TOM1L2: variants seen among roughly 807,000 people sequenced by gnomAD.
The protein encoded by TOM1L2 is target of myb1 like 2 membrane trafficking protein.
In TOM1L2, 31 loss-of-function variants were observed where a neutral mutation model predicts 67.9. The ratio of observed to expected loss-of-function variants is 0.46; its 90% CI spans 0.34 to 0.62. The LOEUF (loss-of-function observed/expected upper bound fraction) is 0.62, where lower values mean the gene tolerates loss of function less well. Among genes scored for constraint, TOM1L2 ranks in the 20% least tolerant of loss-of-function variants. The pLI, the probability that TOM1L2 is intolerant of heterozygous loss-of-function variation, is 0.01. For missense variants in TOM1L2, 606 were observed against 663.5 expected (o/e 0.91, Z 0.95); for synonymous variants, 256 against 254.0 (o/e 1.01, Z -0.07).
intron 1 of TOM1L2, among the ~76,000 whole-genome samples, chr17:17,919,001 C>G (rs1457479500): frequency 1.3e-5 from 2 of 152,186 alleles, no homozygotes; most frequent in African/African-American, 4.8e-5. Flanking sequence ...GCTCGGTTCC[C>G]AGCTGTCCCC....
At chr17:17,874,625 C>A (rs1239385950) in intron 7 of TOM1L2, among the ~76,000 whole-genome samples, 2 of 152,190 alleles carry the variant, frequency 1.3e-5, no homozygotes, top group African/African-American at 4.8e-5. Flanking sequence ...GAGGCTCTAA[C>A]ATTGTGACCT....
chr17:17,903,177 C>T (rs1309350308), intron 2 of TOM1L2, among the ~76,000 whole-genome samples: 2 of 152,144 alleles, frequency 1.3e-5, no homozygotes, highest in Admixed American at 6.5e-5. Flanking sequence ...TCTCTCCCTG[C>T]CCCCCACCCA....
intron 1 of TOM1L2, among the ~76,000 whole-genome samples, chr17:17,923,755 T>C (rs1051763686): frequency 6.6e-6 from 1 of 151,976 alleles, no homozygotes; most frequent in Non-Finnish European, 1.5e-5. Context: ...AAAAAGATAC[T>C]TGGGAGGCAA....
At chr17:17,946,984 CA>C (rs2040978958) in intron 1 of TOM1L2, among the ~76,000 whole-genome samples, 2 of 152,216 alleles carry the variant, frequency 1.3e-5, no homozygotes, top group African/African-American at 2.4e-5. Flanking sequence ...CTCAGCCTCC[CA>C]AAGTGCTGGG....
intron 1 of TOM1L2, among the ~76,000 whole-genome samples, chr17:17,908,023 A>C (rs897203696): frequency 8.5e-5 from 13 of 152,254 alleles, no homozygotes; most frequent in Non-Finnish European, 8.8e-5. Context: ...AGTCAGTACT[A>C]TACAGGTATT....
chr17:17,860,412 G>A (rs976750139), intron 12 of TOM1L2, among the ~76,000 whole-genome samples: 1 of 152,250 alleles, frequency 6.6e-6, no homozygotes, highest in African/African-American at 2.4e-5. Context: ...CCAGTGCAGA[G>A]GGATGCATGC....
Position 17,846,674 on chromosome 17 carries a change from G to A in TOM1L2, c.*961C>T, listed in dbSNP as rs1035416616. The A allele has an allele frequency of 3.9e-5, 6 of 152,350 alleles. No individual in the cohort carries two copies. Among genetic ancestry groups the A allele is most frequent in the Non-Finnish European group, 8.8e-5 (6 of 68,156 alleles). The allele number at this position is 152,350 out of a possible 1,614,324, so 9.4% of individuals were successfully genotyped here. A position where few individuals can be genotyped will look rare whatever the true frequency, so the allele number is the denominator to read the frequency against. ...GAACCTCCAAGGATGCCACAAAGCT[G>A]TTTGCTGCTGGCTCTTGAGGCAGAT... is the stretch of plus-strand genomic sequence containing the variant. On this transcript the variant is annotated 3_prime_UTR_variant, in exon 15 of 15. Transcript: ENST00000379504.
intron 10 of TOM1L2, among the ~76,000 whole-genome samples, chr17:17,865,876 T>C (rs2036820223): frequency 1.3e-5 from 2 of 151,238 alleles, no homozygotes; most frequent in East Asian, 2.0e-4. Flanking sequence ...TCCCGAGTAG[T>C]TGGGATTGCA....
chr17:17,850,961 G>T lies in TOM1L2; in HGVS notation c.1279-9C>A. On this transcript the variant is annotated splice_polypyrimidine_tract_variant and intron_variant, in intron 12 of 14. Coordinates refer to ENST00000379504, the MANE Select transcript of TOM1L2 (RefSeq NM_001082968.2). ...GGCTGCGCAACGGGGATCTATGGAG[G>T]CGGCAAGCAGCGGGCCAGGCAGCCC... 3 of 1,613,588 alleles carry T rather than the reference G, an allele frequency of 1.9e-6. No homozygotes were observed. Among genetic ancestry groups the T allele is most frequent in the Non-Finnish European group, 2.5e-6 (3 of 1,180,010 alleles).
intron 14 of TOM1L2, among the ~76,000 whole-genome samples, 186 bp downstream of exon 14, chr17:17,848,637 T>C (rs533815458): frequency 6.6e-6 from 1 of 152,356 alleles, no homozygotes; most frequent in South Asian, 2.1e-4. Flanking sequence ...ATAAGCGAGA[T>C]AAATCACACT....
chr17:17,847,977 G>A (rs537904404), intron 14 of TOM1L2, among the ~76,000 whole-genome samples, 194 bp from the exon 15 acceptor site: 1 of 152,284 alleles, frequency 6.6e-6, no homozygotes, highest in East Asian at 1.9e-4. Context: ...TCCTGCCCTG[G>A]AGGGAAAGGC....
At chr17:17,941,651 G>A (rs1234605827) in intron 1 of TOM1L2, among the ~76,000 whole-genome samples, 1 of 152,102 alleles carries the variant, frequency 6.6e-6, no homozygotes, top group Non-Finnish European at 1.5e-5. Flanking sequence ...GCCAGGCAGT[G>A]AGTTGGTCAG....
intron 11 of TOM1L2, chr17:17,862,504 A>G: frequency 6.3e-6 from 3 of 478,934 alleles, no homozygotes; most frequent in Non-Finnish European, 1.1e-5. Context: ...ACTCCAATCA[A>G]CCCCAAGGGC....
intron 1 of TOM1L2, among the ~76,000 whole-genome samples, chr17:17,928,330 A>T (rs906520020): frequency 6.6e-6 from 1 of 152,252 alleles, no homozygotes; most frequent in Non-Finnish European, 1.5e-5. Flanking sequence ...ACGAGGGTAC[A>T]TCAATAAGGC....
Position 17,856,867 on chromosome 17 carries a change from A to G in TOM1L2, c.1278+4609T>C, listed in dbSNP as rs191584319. Among the ~76,000 whole-genome samples, 38 of 152,370 alleles carry G rather than the reference A, an allele frequency of 2.5e-4. 1 individual carries two copies. The East Asian group carries it at 6.2e-3, about 25-fold the overall frequency. On this transcript the variant is annotated intron_variant, in intron 12 of 14. Transcript: ENST00000379504. ...AGAGACCCTTGCAGGTCTGTGGGCCAGGAAAGCTCTGCTACATGAGAACCA... is the reference window on the plus strand; with the variant it reads ...AGAGACCCTTGCAGGTCTGTGGGCCGGGAAAGCTCTGCTACATGAGAACCA...
In TOM1L2 at chr17:17,893,555, G is replaced by C. The variant is rs968562663; in HGVS notation, c.366+106C>G. Reference sequence around the variant, plus strand: ...TGCACCAAATATTTTAAATGTAGAAGTCTCCATTTTTTTTTTCCTCCAAAT... The same window carrying C: ...TGCACCAAATATTTTAAATGTAGAACTCTCCATTTTTTTTTTCCTCCAAAT... On this transcript the variant is annotated intron_variant, in intron 4 of 14. Coordinates refer to ENST00000379504, the MANE Select transcript of TOM1L2 (RefSeq NM_001082968.2). 3.7e-6 allele frequency: 4 copies of C among 1,080,578 alleles called. No individual in the cohort carries two copies. In the Admixed American group the frequency reaches 1.0e-4, roughly 28 times the overall value. The allele number at this position is 1,080,578 out of a possible 1,614,324, so 66.9% of individuals were successfully genotyped here.
chr17:17,939,413 T>C lies in TOM1L2; in HGVS notation c.53-31882A>G, dbSNP rs377411236. ...GACATTATGAGACAACTAAAAATTT[T>C]GAACACTAGTTGGATACATGATAGG... On this transcript the variant is annotated intron_variant, in intron 1 of 14. Transcript: ENST00000379504. Among the ~76,000 whole-genome samples the C allele has an allele frequency of 3.1e-3, 479 of 152,342 alleles. 24 individuals carry two copies. In the South Asian group the frequency reaches 0.095, roughly 30 times the overall value.
At chr17:17,868,747 T>C (rs1386989991) in intron 8 of TOM1L2, among the ~76,000 whole-genome samples, 1 of 152,198 alleles carries the variant, frequency 6.6e-6, no homozygotes, top group Non-Finnish European at 1.5e-5. Flanking sequence ...TGCAGGTTTG[T>C]TACCTCAAAC....
chr17:17,911,435 G>C (rs1430645516), intron 1 of TOM1L2, among the ~76,000 whole-genome samples: 1 of 152,194 alleles, frequency 6.6e-6, no homozygotes, highest in African/African-American at 2.4e-5. Context: ...CTGGTGGGAA[G>C]GACTTGCCCC....
Sources: gnomAD v4.1 joint callset for allele counts (sites outside exome capture counted in the v4.1 genomes callset) on GRCh38, gnomAD v4.1.1 for gene constraint, MANE v1.5 for transcripts, NCBI Gene and HGNC (gene_info 2026-07-23, HGNC 2026-07-21) for gene names.